AGBL1: variants seen among roughly 807,000 people sequenced by gnomAD.
AGBL1 encodes cytosolic carboxypeptidase 4.
Under a neutral mutation model 118.9 loss-of-function variants are expected in AGBL1, and 130 were observed. The ratio of observed to expected loss-of-function variants is 1.09; its 90% CI spans 0.95 to 1.26. The LOEUF (loss-of-function observed/expected upper bound fraction) is 1.26. AGBL1 is among the 50% of genes most tolerant of loss of function. AGBL1 has a pLI of 0.00. For missense variants in AGBL1, 1,584 were observed against 1,298.1 expected (o/e 1.22, Z -3.38); for synonymous variants, 555 against 478.9 (o/e 1.16, Z -2.08).
chr15:86,708,885 C>G (rs984373258), intron 22 of AGBL1, among the ~76,000 whole-genome samples: 1 of 152,092 alleles, frequency 6.6e-6, no homozygotes, highest in East Asian at 1.9e-4. Context: ...TTGCCAAGTC[C>G]TAAATCATCC....
chr15:86,567,464 C>A (rs867595413), intron 21 of AGBL1, among the ~76,000 whole-genome samples: 6 of 152,228 alleles, frequency 3.9e-5, no homozygotes, highest in African/African-American at 1.2e-4. Context: ...AATTTGTGAG[C>A]CTTCTTCTAG....
chr15:86,980,404 A>G (rs2081220073), intron 23 of AGBL1, among the ~76,000 whole-genome samples: 1 of 152,212 alleles, frequency 6.6e-6, no homozygotes, highest in South Asian at 2.1e-4. Flanking sequence ...GTGTATATCA[A>G]TGTCAGAGTC....
chr15:86,661,521 G>T (rs2085539999), intron 21 of AGBL1, among the ~76,000 whole-genome samples: 1 of 151,836 alleles, frequency 6.6e-6, no homozygotes, highest in East Asian at 2.0e-4. Flanking sequence ...ACTAGACTGG[G>T]TTAACATCAT....
chr15:86,695,172 T>C (rs28856912), intron 22 of AGBL1, among the ~76,000 whole-genome samples: 78,458 of 151,818 alleles, frequency 0.52, 21,413 homozygotes, highest in East Asian at 0.81. Context: ...GGATTGGTAC[T>C]AATTATTCTT....
rs1328981222 is a variant in AGBL1, at chr15:86,345,574, AC to A, written c.2374+50167del. Among the ~76,000 whole-genome samples the A allele has an allele frequency of 1.1e-4, 16 of 152,242 alleles. 1 individual carries two copies. Among genetic ancestry groups the A allele is most frequent in the Non-Finnish European group, 2.4e-4 (16 of 68,036 alleles). Reference sequence around the variant, plus strand: ...GCTTTTCTGTGGAAGTGACATTTACACTGAGACTTGAAGGATGACCAGGAGT... The same window carrying A: ...GCTTTTCTGTGGAAGTGACATTTACATGAGACTTGAAGGATGACCAGGAGT... On this transcript the variant is annotated intron_variant, in intron 17 of 22. Coordinates refer to ENST00000614907, the MANE Select transcript of AGBL1 (RefSeq NM_001386094.1).
chr15:86,735,790 A>G (rs1379810672), intron 22 of AGBL1, among the ~76,000 whole-genome samples: 1 of 152,170 alleles, frequency 6.6e-6, no homozygotes, highest in East Asian at 1.9e-4. Flanking sequence ...TTTAAAATGT[A>G]CATAGGCGTG....
chr15:86,510,312 CA>C (rs909007254), intron 18 of AGBL1, among the ~76,000 whole-genome samples: 12 of 151,218 alleles, frequency 7.9e-5, no homozygotes, highest in African/African-American at 2.9e-4. Context: ...TCTAGAGACA[CA>C]TTTTGGCTTG....
At position 86,130,780 on chromosome 15, in the gene AGBL1, T is replaced by C. The variant is rs1229083561; in HGVS notation, c.52-11224T>C. Among the ~76,000 whole-genome samples, 3 of 152,224 alleles carry C rather than the reference T, an allele frequency of 2.0e-5. No individual in the cohort carries two copies. In the East Asian group the frequency reaches 5.8e-4, roughly 29 times the overall value. Reference sequence around the variant, plus strand: ...TCTAGTCACTATTGCTGGTAAGAAATTATCCTGATCTCAGTGGCTTGAAAC... The same window carrying C: ...TCTAGTCACTATTGCTGGTAAGAAACTATCCTGATCTCAGTGGCTTGAAAC... On this transcript the variant is annotated intron_variant, in intron 1 of 22. Coordinates refer to ENST00000614907, the MANE Select transcript of AGBL1 (RefSeq NM_001386094.1).
chr15:86,262,047 A>G (rs2078995407), intron 9 of AGBL1, among the ~76,000 whole-genome samples: 1 of 119,360 alleles, frequency 8.4e-6, no homozygotes, highest in East Asian at 3.6e-4. Flanking sequence ...CCTTCTGCTA[A>G]TAATTCACTG....
At chr15:86,516,321 G>A (rs1233999308) in intron 18 of AGBL1, among the ~76,000 whole-genome samples, 1 of 152,188 alleles carries the variant, frequency 6.6e-6, no homozygotes, top group Non-Finnish European at 1.5e-5. Flanking sequence ...ATGGGAGGAA[G>A]GTTGTGCAGT....
rs1426568744 is a variant in AGBL1, at chr15:86,815,353, G to T, written c.3159-91734G>T. ...ACATCAGTGCACAGAAATTTATAGG[G>T]TCCACCACCAATTTCTAGTGTGGTG... On this transcript the variant is annotated intron_variant, in intron 22 of 22. Coordinates refer to ENST00000614907, the MANE Select transcript of AGBL1 (RefSeq NM_001386094.1). Among the ~76,000 whole-genome samples the T allele has an allele frequency of 2.0e-5, 3 of 152,104 alleles. No homozygotes were observed. In the East Asian group the frequency reaches 5.8e-4, roughly 29 times the overall value.
intron 22 of AGBL1, among the ~76,000 whole-genome samples, chr15:86,765,521 A>G (rs1032613053): frequency 6.6e-6 from 1 of 151,950 alleles, no homozygotes; most frequent in South Asian, 2.1e-4. Context: ...GCATTTGCAG[A>G]GGAGCAGCCA....
intron 21 of AGBL1, among the ~76,000 whole-genome samples, chr15:86,654,389 G>A (rs1280571095): frequency 6.6e-6 from 1 of 152,002 alleles, no homozygotes; most frequent in East Asian, 1.9e-4. Flanking sequence ...ATTGCATTTA[G>A]ACAAAAAATG....
intron 17 of AGBL1, among the ~76,000 whole-genome samples, chr15:86,385,836 A>G (rs2081175722): frequency 1.3e-5 from 2 of 152,216 alleles, no homozygotes; most frequent in South Asian, 4.1e-4. Flanking sequence ...TTTGAAGCAC[A>G]GAACTGTTTT....
Position 86,522,797 on chromosome 15 carries a change from T to C in AGBL1, c.2556-13T>C, listed in dbSNP as rs750312145. On this transcript the variant is annotated splice_polypyrimidine_tract_variant and intron_variant, in intron 18 of 22. Coordinates refer to ENST00000614907, the MANE Select transcript of AGBL1 (RefSeq NM_001386094.1). ...TGAATGTGTATTTATTTGCTTATTA[T>C]TTGTTCCTGTAGCCACAGATGCTCA... 2 of 1,613,102 alleles carry C rather than the reference T, an allele frequency of 1.2e-6. No individual in the cohort carries two copies. The highest frequency in any genetic ancestry group is 1.7e-6 in the Non-Finnish European group (2 of 1,179,258).
At chr15:86,588,815 T>A (rs936467312) in intron 21 of AGBL1, among the ~76,000 whole-genome samples, 6 of 152,186 alleles carry the variant, frequency 3.9e-5, no homozygotes, top group Non-Finnish European at 8.8e-5. Flanking sequence ...TAGTGACTCT[T>A]CCTCAGAGGA....
intron 21 of AGBL1, among the ~76,000 whole-genome samples, chr15:86,570,416 T>C (rs2083988432): frequency 6.6e-6 from 1 of 152,236 alleles, no homozygotes; most frequent in Admixed American, 6.5e-5. Flanking sequence ...GAGAGAGTCA[T>C]GTGCAAAGAC....
intron 21 of AGBL1, among the ~76,000 whole-genome samples, chr15:86,598,416 T>A (rs1303295618): frequency 1.3e-4 from 20 of 152,148 alleles, no homozygotes; most frequent in Admixed American, 1.3e-3. Context: ...AAGTAGCTTT[T>A]TCCTTAATGC....
intron 15 of AGBL1, among the ~76,000 whole-genome samples, chr15:86,278,925 C>T (rs546497519): frequency 9.2e-5 from 14 of 152,244 alleles, no homozygotes; most frequent in South Asian, 2.1e-4. Context: ...TCAAGCCTTA[C>T]GAAGCTGAAC....
Sources: gnomAD v4.1 joint callset for allele counts (sites outside exome capture counted in the v4.1 genomes callset) on GRCh38, gnomAD v4.1.1 for gene constraint, MANE v1.5 for transcripts, NCBI Gene and HGNC (gene_info 2026-07-23, HGNC 2026-07-21) for gene names.